EOMES: variants seen among roughly 807,000 people sequenced by gnomAD.
The protein encoded by EOMES is eomesodermin homolog.
A neutral mutation model predicts 61.0 loss-of-function variants in EOMES; 18 were observed. That is an observed-to-expected ratio of 0.30 (90% confidence interval 0.20 to 0.44). The LOEUF (loss-of-function observed/expected upper bound fraction) is 0.44. Among genes scored for constraint, EOMES ranks in the 20% least tolerant of loss-of-function variants. EOMES has a pLI of 1.00. For missense variants in EOMES, 885 were observed against 939.2 expected (o/e 0.94, Z 0.75); for synonymous variants, 430 against 394.0 (o/e 1.09, Z -1.08).
chr3:27,721,877 T>C lies in EOMES; in HGVS notation c.418A>G (p.Ser140Gly). ...ATARYSMDSL[S>G]SERYYLQSPG... ...GACTGGAGGTAGTACCGCTCGGAGC[T>C]CAGGCTGTCCATGGAGTAGCGCGCA... Residue 140 changes from serine (S) to glycine (G), a missense_variant, in exon 1 of 6, where the codon AGC becomes GGC. By Grantham distance (56) the Ser-to-Gly change is moderately conservative. This residue lies in a region of EOMES where 449 missense variants were observed against 383.6 expected (regional missense o/e 1.17). Coordinates refer to ENST00000449599, the MANE Select transcript of EOMES (RefSeq NM_001278182.2). This position sits in a 1 kb window ranked among gnomAD's most constrained non-coding sequence, Gnocchi z 7.4. The C allele has an allele frequency of 1.3e-6, 2 of 1,494,404 alleles. No homozygotes were observed. Among genetic ancestry groups the C allele is most frequent in the Non-Finnish European group, 1.8e-6 (2 of 1,127,256 alleles). 92.6% of individuals were successfully genotyped at this position (1,494,404 alleles called of 1,614,324 possible). A position where few individuals can be genotyped will look rare whatever the true frequency, so the allele number is the denominator to read the frequency against.
rs1184809152 is a variant in EOMES, at chr3:27,717,246, C to T, written c.1942G>A (p.Asp648Asn). 6.2e-7 allele frequency: 1 copy of T among 1,614,004 alleles called. No homozygotes were observed. Among genetic ancestry groups the T allele is most frequent in the African/African-American group, 1.3e-5 (1 of 75,048 alleles). ...IETPPSIKSLDSNDSGVYTSA... is the reference protein window; with the variant it reads ...IETPPSIKSLNSNDSGVYTSA... Reference sequence around the variant, plus strand: ...GTGTATACTCCTGAATCATTGGAATCTAGAGATTTGATGGAAGGGGGTGTC... The same window carrying T: ...GTGTATACTCCTGAATCATTGGAATTTAGAGATTTGATGGAAGGGGGTGTC... The change falls in exon 6 of 6, where the codon GAT becomes AAT. Residue 648 changes from aspartate to asparagine, a missense_variant. Asp to Asn is a conservative substitution (Grantham distance 23). Around this residue, in one of 3 missense-constraint regions of EOMES, gnomAD observed 259 missense variants for 282.3 expected, o/e 0.92. Transcript: ENST00000449599. The surrounding 1 kb of genome is among the most constrained non-coding windows in gnomAD (Gnocchi z 4.5).
Position 27,721,922 on chromosome 3 carries a change from CG to C in EOMES, c.372del (p.Ala125ProfsTer15), listed in dbSNP as rs1559928835. On this transcript the variant is annotated frameshift_variant, in exon 1 of 6. Transcript: ENST00000449599. LOFTEE classifies it high-confidence loss of function. This position sits in a 1 kb window ranked among gnomAD's most constrained non-coding sequence, Gnocchi z 7.4. ...LPSAAAAAAA[A>X]AAAAAATARY... The stretch of plus-strand genomic sequence containing the variant: ...CGCGCAGTGGCCGCAGCCGCGGCGG[CG>C]GCGGCGGCGGCGGCTGCAGCGGCGG... 5.2e-6 allele frequency: 7 copies of C among 1,357,580 alleles called. No homozygotes were observed. In the East Asian group the frequency reaches 1.0e-4, roughly 20 times the overall value. 84.1% of individuals were successfully genotyped at this position (1,357,580 alleles called of 1,614,324 possible). A position where few individuals can be genotyped will look rare whatever the true frequency, so the allele number is the denominator to read the frequency against.
Position 27,719,836 on chromosome 3 carries a change from T to C in EOMES, c.1036+335A>G, listed in dbSNP as rs1008053076. Among the ~76,000 whole-genome samples, 6 of 152,078 alleles carry C rather than the reference T, an allele frequency of 3.9e-5. No individual in the cohort carries two copies. The South Asian group carries it at 1.0e-3, about 26-fold the overall frequency. On this transcript the variant is annotated intron_variant, in intron 2 of 5. Transcript: ENST00000449599. The stretch of plus-strand genomic sequence containing the variant: ...TGGATATTTATGGGTGAACTAAACT[T>C]TGGCTGGGCTTTCTCAAGTGAACAT...
At chr3:27,719,247 A>T (rs1559926944) in intron 3 of EOMES, 113 bp downstream of exon 3, 1 of 1,112,488 alleles carries the variant, frequency 9.0e-7, no homozygotes, top group East Asian at 2.4e-5. Flanking sequence ...TAGGCGAGCA[A>T]ACAGGTCACA....
chr3:27,722,489 CG>C, upstream of EOMES: 1 of 1,350,014 alleles, frequency 7.4e-7, no homozygotes, highest in Non-Finnish European at 9.4e-7. Context: ...GCGTCCTTTC[CG>C]GAAGGAAAGC....
Position 27,717,911 on chromosome 3 carries a change from A to G in EOMES, c.1380-103T>C, listed in dbSNP as rs2060582243. 4 of 855,334 alleles carry G rather than the reference A, an allele frequency of 4.7e-6. No individual in the cohort carries two copies. Among genetic ancestry groups the G allele is most frequent in the Non-Finnish European group, 6.9e-6 (4 of 575,686 alleles). The allele number at this position is 855,334 out of a possible 1,614,324, so 53.0% of individuals were successfully genotyped here. ...AAAAAGGCTTGTGTTGGTTATCTAC[A>G]CCGAAAGTGCTGGTCTGTTGGGCTG... On this transcript the variant is annotated intron_variant, in intron 5 of 5. Coordinates refer to ENST00000449599, the MANE Select transcript of EOMES (RefSeq NM_001278182.2). The surrounding 1 kb of genome is among the most constrained non-coding windows in gnomAD (Gnocchi z 4.5).
Position 27,722,199 on chromosome 3 carries a change from G to T in EOMES, c.96C>A (p.Ser32Arg). 1 of 1,599,528 alleles carries T rather than the reference G, an allele frequency of 6.3e-7. No homozygotes were observed. The highest frequency in any genetic ancestry group is 1.3e-5 in the African/African-American group (1 of 74,718). The stretch of plus-strand genomic sequence containing the variant: ...GGGCCGCGCTGGGGAGGTGGCCAGC[G>T]CTCCCGCCGCTGCCGCCTCGCGCAC... ...LESARGGSGGSAGHLPSAAPS... is the reference protein window; with the variant it reads ...LESARGGSGGRAGHLPSAAPS... Residue 32 changes from serine to arginine, a missense_variant, in exon 1 of 6, where the codon AGC becomes AGA. Around this residue, in one of 3 missense-constraint regions of EOMES, gnomAD observed 449 missense variants for 383.6 expected, o/e 1.17. Coordinates refer to ENST00000449599, the MANE Select transcript of EOMES (RefSeq NM_001278182.2).
In EOMES at chr3:27,718,736, T is replaced by A; in HGVS notation, c.1316A>T (p.Asp439Val). 1 of 1,614,168 alleles carries A rather than the reference T, an allele frequency of 6.2e-7. No individual in the cohort carries two copies. The highest frequency in any genetic ancestry group is 8.5e-7 in the Non-Finnish European group (1 of 1,180,000). The change falls in exon 4 of 6, where the codon GAT becomes GTT. Residue 439 changes from aspartate to valine, a missense_variant and splice_region_variant. Physicochemically the swap from Asp to Val is radical, Grantham distance 152. Around this residue, in one of 3 missense-constraint regions of EOMES, gnomAD observed 177 missense variants for 273.3 expected, o/e 0.65. Transcript: ENST00000449599. ...TCTTGAGATGTCTGGGACACTCACATCGGTGTTTTGGTAGGCAGTCACTGC... is the reference window on the plus strand; with the variant it reads ...TCTTGAGATGTCTGGGACACTCACAACGGTGTTTTGGTAGGCAGTCACTGC... ...FIAVTAYQNT[D>V]ITQLKIDHNP... is the part of the protein sequence containing the mutation.
In EOMES at chr3:27,717,004, A is replaced by T. The variant is rs960231181; in HGVS notation, c.*66T>A. On this transcript the variant is annotated 3_prime_UTR_variant, in exon 6 of 6. Transcript: ENST00000449599. The surrounding 1 kb of genome is among the most constrained non-coding windows in gnomAD (Gnocchi z 4.5). The stretch of plus-strand genomic sequence containing the variant: ...CTTTTTGGCAACCTAGGCAAAGAAG[A>T]CAACAAAAAACACCACCAAGTCCAT... 1.6e-6 allele frequency: 2 copies of T among 1,286,068 alleles called. No individual in the cohort carries two copies. The highest frequency in any genetic ancestry group is 2.0e-5 in the Admixed American group (1 of 48,998). The allele number at this position is 1,286,068 out of a possible 1,614,324, so 79.7% of individuals were successfully genotyped here.
Position 27,720,310 on chromosome 3 carries a change from G to A in EOMES, c.897C>T (p.Phe299=). Residue 299 remains phenylalanine, a synonymous_variant, in exon 2 of 6, where the codon TTC becomes TTT. Coordinates refer to ENST00000449599, the MANE Select transcript of EOMES (RefSeq NM_001278182.2). ...ITKQGRRMFP[F]LSFNINGLNP... is the part of the protein sequence containing the mutation. ...TGAGTCCGTTTATGTTGAAGCTCAA[G>A]AAAGGAAACATGCGCCTGTGCAAGG... The A allele has an allele frequency of 6.2e-7, 1 of 1,613,952 alleles. No individual in the cohort carries two copies. The highest frequency in any genetic ancestry group is 8.5e-7 in the Non-Finnish European group (1 of 1,179,894).
rs1306296612 is a variant in EOMES at position 27,722,022 on chromosome 3, G to T, written c.273C>A (p.Ser91Arg). 2.6e-6 allele frequency: 4 copies of T among 1,524,672 alleles called. No individual in the cohort carries two copies. The highest frequency in any genetic ancestry group is 5.3e-5 in the East Asian group (2 of 37,714). 94.4% of individuals were successfully genotyped at this position (1,524,672 alleles called of 1,614,324 possible). A position where few individuals can be genotyped will look rare whatever the true frequency, so the allele number is the denominator to read the frequency against. ...GCCCCGGCTTGGCCACTGCCGCAGC[G>T]CTGGCAAATGCGTCCCCGGCGTCGG... The part of the protein sequence containing the change: ...SDTDAGDAFA[S>R]AAAVAKPGPP... Residue 91 changes from serine to arginine, a missense_variant, in exon 1 of 6, where the codon AGC becomes AGA. Physicochemically the swap from Ser to Arg is moderately radical, Grantham distance 110 (BLOSUM62 -1). This residue lies in a region of EOMES where 449 missense variants were observed against 383.6 expected (regional missense o/e 1.17). Transcript: ENST00000449599.
Position 27,717,267 on chromosome 3 carries a change from G to C in EOMES, c.1921C>G (p.Pro641Ala). 6.2e-7 allele frequency: 1 copy of C among 1,613,208 alleles called. No individual in the cohort carries two copies. The highest frequency in any genetic ancestry group is 8.5e-7 in the Non-Finnish European group (1 of 1,179,138). The change falls in exon 6 of 6, where the codon CCC becomes GCC. Residue 641 changes from proline (P) to alanine (A), a missense_variant. Coordinates refer to ENST00000449599, the MANE Select transcript of EOMES (RefSeq NM_001278182.2). The surrounding 1 kb of genome is among the most constrained non-coding windows in gnomAD (Gnocchi z 4.5). ...EEIGSSWIET[P>A]PSIKSLDSND... ...GAATCTAGAGATTTGATGGAAGGGG[G>C]TGTCTCTATCCAAGAAGAGCCAATT...
chr3:27,720,429 A>C, intron 1 of EOMES, 104 bp from the exon 2 acceptor site: 1 of 914,834 alleles, frequency 1.1e-6, no homozygotes, highest in South Asian at 1.3e-5. Context: ...GGGTCGGAAC[A>C]CATTTAAAAG....
intron 2 of EOMES, 138 bp from the exon 3 acceptor site, chr3:27,719,619 A>C (rs374876550): frequency 5.3e-6 from 4 of 753,776 alleles, no homozygotes; most frequent in Non-Finnish European, 6.4e-6. Flanking sequence ...AAAGTTGCTT[A>C]AAGAGGCCAG....
At position 27,722,221 on chromosome 3, in the gene EOMES, G is replaced by C. The variant is rs761666223; in HGVS notation, c.74C>G (p.Ala25Gly). 2 of 1,604,168 alleles carry C rather than the reference G, an allele frequency of 1.2e-6. No homozygotes were observed. The highest frequency in any genetic ancestry group is 2.3e-5 in the East Asian group (1 of 44,080). ...AGCGCTCCCGCCGCTGCCGCCTCGC[G>C]CACTCTCCAGCGGGTAGAAGTGCGC... ...PGAHFYPLES[A>G]RGGSGGSAGH... The change falls in exon 1 of 6, where the codon GCG (alanine) becomes GGG (glycine). Residue 25 changes from alanine (A) to glycine (G), a missense_variant. Physicochemically the swap from Ala to Gly is moderately conservative, Grantham distance 60. Coordinates refer to ENST00000449599, the MANE Select transcript of EOMES (RefSeq NM_001278182.2).
chr3:27,722,705 C>A, upstream of EOMES: 1 of 1,003,642 alleles, frequency 1.0e-6, no homozygotes, highest in Non-Finnish European at 1.2e-6. Context: ...AAGTTGACCA[C>A]TTGGAAACTT....
chr3:27,719,263 A>G, intron 3 of EOMES, 97 bp downstream of exon 3: 1 of 1,279,986 alleles, frequency 7.8e-7, no homozygotes, highest in South Asian at 1.4e-5. Flanking sequence ...TCACAAATGC[A>G]AATATTATAA....
chr3:27,722,595 C>CA, upstream of EOMES: 1 of 1,192,584 alleles, frequency 8.4e-7, no homozygotes. Flanking sequence ...CCACCCTCCT[C>CA]CCAGGCTCAC....
upstream of EOMES, chr3:27,722,351 TA>T (rs1245296824): frequency 1.4e-6 from 2 of 1,430,154 alleles, no homozygotes; most frequent in African/African-American, 3.0e-5. Flanking sequence ...GGCCTTATTA[TA>T]AAGGCAGGAT....
Sources: allele counts gnomAD v4.1 joint callset (sites outside exome capture counted in the v4.1 genomes callset), GRCh38; gene constraint gnomAD v4.1.1; regional missense constraint gnomAD v4.1.1; non-coding constraint Gnocchi (gnomAD v3.1); transcripts MANE v1.5; gene names NCBI Gene and HGNC (gene_info 2026-07-23, HGNC 2026-07-21).